The following CPLANE1 variants were observed in gnomAD, a reference collection of about 807,000 sequenced individuals.
CPLANE1 encodes ciliogenesis and planar polarity effector complex subunit 1.
A neutral mutation model predicts 362.5 loss-of-function variants in CPLANE1; 263 were observed. The ratio of observed to expected loss-of-function variants is 0.73; its 90% CI spans 0.66 to 0.80. CPLANE1 has a LOEUF of 0.80. Ranked by LOEUF, CPLANE1 falls within the 30% of genes least tolerant of loss-of-function variation. The probability of loss-of-function intolerance (pLI) is 0.00; values close to 1 mark genes in which losing one functional copy is unlikely to be tolerated. For synonymous variants in CPLANE1, 1,212 were observed against 1,302.6 expected, an observed-to-expected ratio of 0.93 and a Z score of 1.50; for missense variants, 3,461 against 3,793.4, an observed-to-expected ratio of 0.91 and a Z score of 2.30.
chr5:37,173,692 T>G, intron 32 of CPLANE1, 63 bp downstream of exon 32: 1 of 1,307,770 alleles, frequency 7.6e-7, no homozygotes, highest in Non-Finnish European at 1.1e-6. Context: ...AATCTATTAA[T>G]ATTTTAAAAC....
intron 34 of CPLANE1, among the ~76,000 whole-genome samples, chr5:37,167,432 T>C (rs1351520205): frequency 4.6e-5 from 7 of 152,230 alleles, no homozygotes; most frequent in Non-Finnish European, 1.0e-4. Flanking sequence ...GTCATCCTAT[T>C]TCAGAAATTA....
At chr5:37,104,317 G>A (rs191628487), downstream of CPLANE1, among the ~76,000 whole-genome samples, 3 of 152,260 alleles carry the variant, frequency 2.0e-5, no homozygotes, top group East Asian at 5.8e-4. Context: ...TATGCTCCAG[G>A]ATAGGCGTGG....
At position 37,148,156 on chromosome 5, in the gene CPLANE1, CCAGCCCCTAT is replaced by C. The variant is rs778673459; in HGVS notation, c.8461+15_8461+24del. On this transcript the variant is annotated intron_variant, in intron 43 of 52. Coordinates refer to ENST00000651892, the MANE Select transcript of CPLANE1 (RefSeq NM_001384732.1). Reference sequence around the variant, plus strand: ...CAGATCAACTAAAGCAAGACTTCAGCCAGCCCCTATCAGCCCCTACAAACCTTCTTCAGAA... The same window carrying C: ...CAGATCAACTAAAGCAAGACTTCAGCCAGCCCCTACAAACCTTCTTCAGAA... The C allele has an allele frequency of 2.6e-5, 41 of 1,573,370 alleles. 1 individual carries two copies. Among genetic ancestry groups the C allele is most frequent in the Non-Finnish European group, 3.5e-5 (40 of 1,145,870 alleles).
chr5:37,147,589 T>C (rs535187962), intron 43 of CPLANE1, among the ~76,000 whole-genome samples: 1 of 151,314 alleles, frequency 6.6e-6, no homozygotes, highest in African/African-American at 2.4e-5. Context: ...ATAGAAGAAA[T>C]AATAAAGATT....
At chr5:37,154,239 A>G in intron 41 of CPLANE1, among the ~76,000 whole-genome samples, 1 of 152,128 alleles carries the variant, frequency 6.6e-6, no homozygotes, top group South Asian at 2.1e-4. Context: ...TGCTACAAAC[A>G]TATACTTCAT....
intron 32 of CPLANE1, among the ~76,000 whole-genome samples, chr5:37,171,979 G>T (rs1779937359): frequency 6.6e-6 from 1 of 151,916 alleles, no homozygotes; most frequent in African/African-American, 2.4e-5. Flanking sequence ...GTTTTTGTTT[G>T]TTTGTTTGTT....
the CPLANE1 span, among the ~76,000 whole-genome samples, chr5:37,095,337 T>C: frequency 6.6e-6 from 1 of 152,108 alleles, no homozygotes; most frequent in South Asian, 2.1e-4. Flanking sequence ...AAAAATCACA[T>C]AATCATCTCA....
Position 37,187,823 on chromosome 5 carries a change from A to T in CPLANE1, c.3831T>A (p.Cys1277Ter). 1 of 1,613,492 alleles carries T rather than the reference A, an allele frequency of 6.2e-7. No individual in the cohort carries two copies. Among genetic ancestry groups the T allele is most frequent in the Non-Finnish European group, 8.5e-7 (1 of 1,179,656 alleles). Residue 1277 changes from cysteine (C) to a stop codon, truncating the protein, a stop_gained, in exon 22 of 53, where the codon TGT becomes TGA. Transcript: ENST00000651892. LOFTEE classifies it high-confidence loss of function. ...IRAIGCFREL[C>*]ALCWMLHVRD... ...GGACATGCAGCATCCAACACAGAGC[A>T]CAAAGTTCTCTGAAGCAACCTAAAG...
chr5:37,214,812 T>A lies in CPLANE1; in HGVS notation c.2747-1080A>T, dbSNP rs183163312. On this transcript the variant is annotated intron_variant, in intron 15 of 52. Coordinates refer to ENST00000651892, the MANE Select transcript of CPLANE1 (RefSeq NM_001384732.1). ...CACGTTTAGTGCAGTACCATAAACCTTGAATAACACCATAAGACCTACAGG... is the reference window on the plus strand; with the variant it reads ...CACGTTTAGTGCAGTACCATAAACCATGAATAACACCATAAGACCTACAGG... Among the ~76,000 whole-genome samples, 19 of 152,300 alleles carry A rather than the reference T, an allele frequency of 1.2e-4. No individual in the cohort carries two copies. In the East Asian group the frequency reaches 3.7e-3, roughly 29 times the overall value.
chr5:37,157,445 T>C (rs371376728), intron 40 of CPLANE1, 25 bp from the exon 41 acceptor site: 4 of 1,472,364 alleles, frequency 2.7e-6, no homozygotes, highest in Middle Eastern at 1.8e-4. Context: ...AATAAATCCA[T>C]AGAGGAATTG....
chr5:37,166,325 C>T (rs1778222030), intron 35 of CPLANE1, among the ~76,000 whole-genome samples: 1 of 152,150 alleles, frequency 6.6e-6, no homozygotes, highest in African/African-American at 2.4e-5. Context: ...CATCACCTAC[C>T]CTCCTGCTTA....
At chr5:37,152,822 G>A (rs1034717504) in intron 42 of CPLANE1, among the ~76,000 whole-genome samples, 1 of 152,170 alleles carries the variant, frequency 6.6e-6, no homozygotes, top group Non-Finnish European at 1.5e-5. Context: ...CTGAGAGGTT[G>A]AGGCTGCAGT....
chr5:37,222,562 A>G (rs1201273961), intron 14 of CPLANE1, among the ~76,000 whole-genome samples: 1 of 152,228 alleles, frequency 6.6e-6, no homozygotes, highest in Non-Finnish European at 1.5e-5. Context: ...TGCTACTTTC[A>G]ATCTCCATTA....
chr5:37,230,185 A>T (rs6879284), intron 9 of CPLANE1, among the ~76,000 whole-genome samples: 37,189 of 150,528 alleles, frequency 0.25, 4,570 homozygotes, highest in East Asian at 0.35. Flanking sequence ...CAAGAAAAAA[A>T]AAATAAATAA....
At chr5:37,204,140 A>G (rs555646266) in intron 18 of CPLANE1, among the ~76,000 whole-genome samples, 2 of 152,348 alleles carry the variant, frequency 1.3e-5, no homozygotes, top group Non-Finnish European at 2.9e-5. Flanking sequence ...TTAAAATCCA[A>G]CTTTCACACA....
In CPLANE1 at chr5:37,209,219, C is replaced by T; in HGVS notation, c.2921-2794G>A. 1.7e-6 allele frequency: 1 copy of T among 584,254 alleles called. No homozygotes were observed. The highest frequency in any genetic ancestry group is 3.1e-6 in the Non-Finnish European group (1 of 323,338). The allele number at this position is 584,254 out of a possible 1,614,324, so 36.2% of individuals were successfully genotyped here. On this transcript the variant is annotated intron_variant, in intron 16 of 52. Transcript: ENST00000651892. The surrounding 1 kb of genome is among the most constrained non-coding windows in gnomAD (Gnocchi z 4.6). ...TGCAAGGCAGAGAGCGTTCAGCACC[C>T]TTGTTCCTCCCGACCCCTCAGGACA...
intron 46 of CPLANE1, among the ~76,000 whole-genome samples, chr5:37,136,920 T>C (rs1161357041): frequency 1.3e-5 from 2 of 152,198 alleles, no homozygotes; most frequent in African/African-American, 4.8e-5. Flanking sequence ...TTTTCCCTCC[T>C]AGGCCTCTGG....
chr5:37,122,325 T>G, intron 48 of CPLANE1, 105 bp downstream of exon 48: 1 of 870,736 alleles, frequency 1.1e-6, no homozygotes, highest in Non-Finnish European at 1.9e-6. Context: ...CTCTGTTTAT[T>G]GACAAAAAAG....
rs374944587 is a variant in CPLANE1 at position 37,137,422 on chromosome 5, C to T, written c.8792+1298G>A. Among the ~76,000 whole-genome samples the T allele has an allele frequency of 1.9e-4, 29 of 152,318 alleles. No individual in the cohort carries two copies. In the East Asian group the frequency reaches 4.0e-3, roughly 21 times the overall value. On this transcript the variant is annotated intron_variant, in intron 46 of 52. Transcript: ENST00000651892. ...ACATCTTCCTGTCTTCTTCTGAGTC[C>T]TACAAACTGTTCCAACCTCTGCCTG...
Sources: allele counts gnomAD v4.1 joint callset (sites outside exome capture counted in the v4.1 genomes callset), GRCh38; gene constraint gnomAD v4.1.1; non-coding constraint Gnocchi (gnomAD v3.1); transcripts MANE v1.5; gene names NCBI Gene and HGNC (gene_info 2026-07-23, HGNC 2026-07-21).